Variants in AGBL4 observed in about 807,000 individuals in gnomAD.
AGBL4 encodes the protein AGBL carboxypeptidase 4.
A neutral mutation model predicts 66.4 loss-of-function variants in AGBL4; 58 were observed. The observed-to-expected ratio is 0.87, with a 90% confidence interval of 0.71 to 1.09. AGBL4 has a LOEUF of 1.09. Ranked by LOEUF, AGBL4 falls within the 50% of genes least tolerant of loss-of-function variation. AGBL4 has a pLI of 0.00. For missense variants in AGBL4, 579 were observed against 631.0 expected (o/e 0.92, Z 0.88); for synonymous variants, 234 against 222.9 (o/e 1.05, Z -0.44).
intron 6 of AGBL4, among the ~76,000 whole-genome samples, chr1:48,791,730 A>G (rs1002462291): frequency 6.6e-6 from 1 of 152,224 alleles, no homozygotes; most frequent in Non-Finnish European, 1.5e-5. Context: ...AGACAAAATT[A>G]GGGCATTTGA....
chr1:48,834,526 C>T (rs1198513366), intron 6 of AGBL4, among the ~76,000 whole-genome samples: 1 of 151,942 alleles, frequency 6.6e-6, no homozygotes, highest in Non-Finnish European at 1.5e-5. Context: ...GAGTTGGGCC[C>T]TCATGATGGG....
At chr1:48,984,728 G>A (rs972700301) in intron 5 of AGBL4, among the ~76,000 whole-genome samples, 1 of 151,778 alleles carries the variant, frequency 6.6e-6, no homozygotes, top group South Asian at 2.1e-4. Context: ...CTGCTAGGGA[G>A]ATGCAAGGCT....
intron 7 of AGBL4, among the ~76,000 whole-genome samples, chr1:48,662,467 A>G (rs570399907): frequency 6.6e-6 from 1 of 152,222 alleles, no homozygotes; most frequent in Non-Finnish European, 1.5e-5. Context: ...CTTTGACCTC[A>G]TGGTCACTTT....
At chr1:49,953,916 G>A (rs919011198) in intron 1 of AGBL4, among the ~76,000 whole-genome samples, 4 of 151,620 alleles carry the variant, frequency 2.6e-5, no homozygotes, top group Admixed American at 1.3e-4. Context: ...ACTTAGATAC[G>A]GGGTCTTGCT....
intron 6 of AGBL4, among the ~76,000 whole-genome samples, chr1:48,753,144 G>T (rs1045156984): frequency 6.6e-6 from 1 of 152,196 alleles, no homozygotes; most frequent in Non-Finnish European, 1.5e-5. Context: ...TAACTTGCCC[G>T]AGGCAACAAA....
chr1:48,642,611 C>T (rs751895023), intron 8 of AGBL4, among the ~76,000 whole-genome samples: 1 of 152,122 alleles, frequency 6.6e-6, no homozygotes, highest in Non-Finnish European at 1.5e-5. Context: ...GCCAAGGTTA[C>T]ATGGCTATTC....
intron 3 of AGBL4, among the ~76,000 whole-genome samples, chr1:49,554,577 A>G (rs1409556395): frequency 6.6e-6 from 1 of 152,244 alleles, no homozygotes; most frequent in East Asian, 1.9e-4. Context: ...TGTATTTTTA[A>G]GAAAACATGC....
At chr1:49,050,265 G>GCACA (rs148541790) in intron 4 of AGBL4, among the ~76,000 whole-genome samples, 1 of 151,872 alleles carries the variant, frequency 6.6e-6, no homozygotes, top group East Asian at 1.9e-4. Flanking sequence ...TTCTGAGTAA[G>GCACA]CACACACACA....
chr1:49,069,619 GT>G, intron 4 of AGBL4, among the ~76,000 whole-genome samples: 1 of 151,978 alleles, frequency 6.6e-6, no homozygotes, highest in East Asian at 1.9e-4. Flanking sequence ...ATACTATGCT[GT>G]TTTGGTTACT....
chr1:48,695,395 C>T (rs75111792), intron 6 of AGBL4, among the ~76,000 whole-genome samples: 1,697 of 152,308 alleles, frequency 0.011, 30 homozygotes, highest in South Asian at 0.043. Context: ...CCATTATTCC[C>T]CTCAATTTGA....
intron 3 of AGBL4, among the ~76,000 whole-genome samples, chr1:49,591,102 T>A (rs1482735187): frequency 6.6e-6 from 1 of 151,968 alleles, no homozygotes; most frequent in African/African-American, 2.4e-5. Context: ...AGCTTCTGCC[T>A]TAGGAAACCA....
chr1:48,908,039 A>T (rs1652778629), intron 5 of AGBL4, among the ~76,000 whole-genome samples: 2 of 152,126 alleles, frequency 1.3e-5, no homozygotes, highest in Admixed American at 6.5e-5. Context: ...TTCTTGTGAT[A>T]CTTTCAAGCT....
chr1:49,342,531 C>T (rs538818747), intron 3 of AGBL4, among the ~76,000 whole-genome samples: 1 of 152,248 alleles, frequency 6.6e-6, no homozygotes, highest in African/African-American at 2.4e-5. Context: ...TCCCCACCAT[C>T]CAGAGGGCAG....
At chr1:49,753,704 C>T (rs1352095636) in intron 2 of AGBL4, among the ~76,000 whole-genome samples, 1 of 152,166 alleles carries the variant, frequency 6.6e-6, no homozygotes, top group Admixed American at 6.6e-5. Flanking sequence ...TTCAGGTATG[C>T]CAATCAAATG....
intron 6 of AGBL4, among the ~76,000 whole-genome samples, chr1:48,850,194 T>C (rs4926765): frequency 0.86 from 130,439 of 152,100 alleles, 57,291 homozygotes; most frequent in Non-Finnish European, 0.96. Flanking sequence ...TACCTATCAA[T>C]GGATTCCTAA....
chr1:49,427,682 G>T (rs1321221842), intron 3 of AGBL4, among the ~76,000 whole-genome samples: 2 of 152,204 alleles, frequency 1.3e-5, no homozygotes, highest in Admixed American at 1.3e-4. Context: ...GCTCATAAAG[G>T]TGGTGAGGAC....
At chr1:48,913,951 C>T (rs992345581) in intron 5 of AGBL4, among the ~76,000 whole-genome samples, 1 of 152,094 alleles carries the variant, frequency 6.6e-6, no homozygotes, top group Non-Finnish European at 1.5e-5. Context: ...GATAATGAGT[C>T]CTGTTTTAAA....
At chr1:49,576,976 C>A (rs1254961195) in intron 3 of AGBL4, among the ~76,000 whole-genome samples, 5 of 152,196 alleles carry the variant, frequency 3.3e-5, no homozygotes, top group African/African-American at 1.2e-4. Flanking sequence ...AGTGCACCTG[C>A]TAGTGCACTT....
chr1:48,587,514 G>A (rs1287789004), intron 10 of AGBL4, among the ~76,000 whole-genome samples: 2 of 152,006 alleles, frequency 1.3e-5, no homozygotes, highest in Non-Finnish European at 2.9e-5. Context: ...TGTAGTCCCA[G>A]CTACTTGGGA....
Sources: allele counts gnomAD v4.1 joint callset (sites outside exome capture counted in the v4.1 genomes callset), GRCh38; gene constraint gnomAD v4.1.1; transcripts MANE v1.5; gene names NCBI Gene and HGNC (gene_info 2026-07-23, HGNC 2026-07-21).